NTSR1: variants seen among roughly 807,000 people sequenced by gnomAD.
The protein encoded by NTSR1 is neurotensin receptor 1, also known as neurotensin receptor type 1.
A neutral mutation model predicts 31.2 loss-of-function variants in NTSR1; 29 were observed. That is an observed-to-expected ratio of 0.93 (90% CI 0.69 to 1.27). The LOEUF is 1.27. Among genes scored for constraint, NTSR1 ranks in the 50% most tolerant of loss-of-function variants. NTSR1 has a pLI of 0.00. For missense variants in NTSR1, 697 were observed against 595.4 expected (o/e 1.17, Z -1.78); for synonymous variants, 282 against 269.9 (o/e 1.04, Z -0.44).
At chr20:62,752,332 G>A (rs3787523) in intron 1 of NTSR1, among the ~76,000 whole-genome samples, 14,079 of 152,256 alleles carry the variant, frequency 0.092, 796 homozygotes, top group African/African-American at 0.16. Context: ...AGGAAAGGAC[G>A]GCGCAAGCCA....
At chr20:62,739,870 G>A (rs3787529) in intron 1 of NTSR1, among the ~76,000 whole-genome samples, 20,451 of 152,280 alleles carry the variant, frequency 0.13, 3,324 homozygotes, top group African/African-American at 0.36. Flanking sequence ...GGTGCGGGAC[G>A]CATATGCTGT....
At chr20:62,752,204 C>T (rs953446296) in intron 1 of NTSR1, among the ~76,000 whole-genome samples, 1 of 152,228 alleles carries the variant, frequency 6.6e-6, no homozygotes, top group Admixed American at 6.5e-5. Context: ...CCTCACCTCC[C>T]CTCACCCCCA....
At chr20:62,747,389 C>T (rs932405898) in intron 1 of NTSR1, among the ~76,000 whole-genome samples, 1 of 134,072 alleles carries the variant, frequency 7.5e-6, no homozygotes, top group Admixed American at 7.2e-5. Flanking sequence ...GTAAAGGCCA[C>T]GTATGACAGA....
At position 62,760,398 on chromosome 20, in the gene NTSR1, T is replaced by TGG. The variant is rs1989598327; in HGVS notation, c.*133_*134dup. 3.0e-6 allele frequency: 3 copies of TGG among 998,420 alleles called. No individual in the cohort carries two copies. Among genetic ancestry groups the TGG allele is most frequent in the Admixed American group, 5.9e-5 (2 of 34,154 alleles). The allele number at this position is 998,420 out of a possible 1,614,324, so 61.8% of individuals were successfully genotyped here. ...CCAGCCTGCACTGGAGTCTGAGGCC[T>TGG]GGGACCCCCCCCTCCCACCCCCTAA... On this transcript the variant is annotated 3_prime_UTR_variant, in exon 4 of 4. Coordinates refer to ENST00000370501, the MANE Select transcript of NTSR1 (RefSeq NM_002531.3).
intron 1 of NTSR1, among the ~76,000 whole-genome samples, chr20:62,734,087 G>C (rs901379167): frequency 6.6e-6 from 1 of 152,106 alleles, no homozygotes; most frequent in Non-Finnish European, 1.5e-5. Flanking sequence ...AGGTTTGCCC[G>C]ACCTCGAGTC....
rs1988705439 is a variant in NTSR1 at position 62,715,857 on chromosome 20, G to A, written c.714+5936G>A. Among the ~76,000 whole-genome samples the A allele has an allele frequency of 1.3e-5, 2 of 152,158 alleles. No homozygotes were observed. Among genetic ancestry groups the A allele is most frequent in the Admixed American group, 1.3e-4 (2 of 15,282 alleles). ...CCAGGTCTGTTCTCAGGGGCACTGG[G>A]GCTCCCAGCTGGTAACATCTGATGA... On this transcript the variant is annotated intron_variant, in intron 1 of 3. Transcript: ENST00000370501. This position sits in a 1 kb window ranked among gnomAD's most constrained non-coding sequence, Gnocchi z 4.7.
In NTSR1 at chr20:62,733,500, A is replaced by T. The variant is rs1312628480; in HGVS notation, c.715-21185A>T. 6.6e-6 allele frequency among the ~76,000 whole-genome samples: 1 copy of T among 152,120 alleles called. No homozygotes were observed. The highest frequency in any genetic ancestry group is 2.4e-5 in the African/African-American group (1 of 41,428). ...TTCCACTTTGGAAAGGGAAGGTTCT[A>T]GAAAGTTCTGGAAAGCTCGGCTGTG... On this transcript the variant is annotated intron_variant, in intron 1 of 3. Transcript: ENST00000370501. This position sits in a 1 kb window ranked among gnomAD's most constrained non-coding sequence, Gnocchi z 5.2.
At chr20:62,736,592 C>T (rs188275191) in intron 1 of NTSR1, among the ~76,000 whole-genome samples, 34 of 152,266 alleles carry the variant, frequency 2.2e-4, no homozygotes, top group Non-Finnish European at 1.3e-4. Flanking sequence ...CCTTTCCCAG[C>T]GAGGACTCCG....
intron 1 of NTSR1, among the ~76,000 whole-genome samples, chr20:62,728,355 T>C (rs779667228): frequency 2.8e-4 from 42 of 152,106 alleles, no homozygotes; most frequent in Non-Finnish European, 6.0e-4. Context: ...GCGGTCAGTG[T>C]GTGCGGCAGC....
intron 1 of NTSR1, among the ~76,000 whole-genome samples, chr20:62,752,898 G>A (rs552159085): frequency 6.6e-6 from 1 of 152,134 alleles, no homozygotes; most frequent in African/African-American, 2.4e-5. Context: ...CAGGAGGGAC[G>A]CGGGACGGCC....
At chr20:62,754,153 T>C (rs2249677) in intron 1 of NTSR1, among the ~76,000 whole-genome samples, 142,201 of 152,026 alleles carry the variant, frequency 0.94, 66,556 homozygotes, top group East Asian at 1. Flanking sequence ...CTTTCAATGC[T>C]CTGAGAGGTA....
At chr20:62,746,425 G>A (rs1440223576) in intron 1 of NTSR1, among the ~76,000 whole-genome samples, 1 of 152,168 alleles carries the variant, frequency 6.6e-6, no homozygotes, top group African/African-American at 2.4e-5. Flanking sequence ...TCTTTCAGTG[G>A]TCTCTCCTCC....
rs932555173 is a variant in NTSR1, at chr20:62,732,951, C to A, written c.715-21734C>A. 9 of 151,798 alleles carry A rather than the reference C, an allele frequency of 5.9e-5. No individual in the cohort carries two copies. Among genetic ancestry groups the A allele is most frequent in the Admixed American group, 5.9e-4 (9 of 15,236 alleles). The allele number at this position is 151,798 out of a possible 1,614,324, so 9.4% of individuals were successfully genotyped here. A position where few individuals can be genotyped will look rare whatever the true frequency, so the allele number is the denominator to read the frequency against. On this transcript the variant is annotated intron_variant, in intron 1 of 3. Coordinates refer to ENST00000370501, the MANE Select transcript of NTSR1 (RefSeq NM_002531.3). This position sits in a 1 kb window ranked among gnomAD's most constrained non-coding sequence, Gnocchi z 4.0. The stretch of plus-strand genomic sequence containing the variant: ...GGCGGCTCAGGCTGAGAACCAACGG[C>A]GCTGACGTCGCCTAAAGGGGGTTCC...
chr20:62,758,283 T>C lies in NTSR1; in HGVS notation c.934T>C (p.Phe312Leu), dbSNP rs780413333. The C allele has an allele frequency of 1.4e-5, 22 of 1,613,646 alleles. No homozygotes were observed. The highest frequency in any genetic ancestry group is 1.3e-4 in the South Asian group (12 of 91,080). ...VRVLRAVVIA[F>L]VVCWLPYHVR... Reference sequence around the variant, plus strand: ...TGCCTCAGGTGCAGTGGTCATCGCCTTTGTGGTCTGCTGGCTGCCCTACCA... The same window carrying C: ...TGCCTCAGGTGCAGTGGTCATCGCCCTTGTGGTCTGCTGGCTGCCCTACCA... Residue 312 changes from phenylalanine to leucine, a missense_variant, in exon 3 of 4, where the codon TTT becomes CTT. Phe to Leu is a conservative substitution (Grantham distance 22, BLOSUM62 0). Transcript: ENST00000370501. This position sits in a 1 kb window ranked among gnomAD's most constrained non-coding sequence, Gnocchi z 4.5.
chr20:62,724,810 T>C (rs1183746903), intron 1 of NTSR1, among the ~76,000 whole-genome samples: 1 of 152,180 alleles, frequency 6.6e-6, no homozygotes, highest in Admixed American at 6.5e-5. Flanking sequence ...CTCCTGCAGC[T>C]CCTGGAGGCT....
At chr20:62,713,276 C>T (rs569473794) in intron 1 of NTSR1, among the ~76,000 whole-genome samples, 15 of 152,340 alleles carry the variant, frequency 9.8e-5, no homozygotes, top group Middle Eastern at 3.4e-3. Flanking sequence ...CAGTGCTCTT[C>T]GCTGGGTTAG....
Position 62,746,360 on chromosome 20 carries a change from C to T in NTSR1, c.715-8325C>T, listed in dbSNP as rs757477895. On this transcript the variant is annotated intron_variant, in intron 1 of 3. Transcript: ENST00000370501. ...CCCAGCACTACTGCAGCCAGGCTGC[C>T]GCCAGCATCGCTGTGTCTGTAGCTC... Among the ~76,000 whole-genome samples the T allele has an allele frequency of 1.1e-3, 172 of 152,290 alleles. No homozygotes were observed. In the Middle Eastern group the frequency reaches 0.014, roughly 12 times the overall value.
Position 62,729,377 on chromosome 20 carries a change from G to A in NTSR1, c.714+19456G>A, listed in dbSNP as rs375568971. On this transcript the variant is annotated intron_variant, in intron 1 of 3. Coordinates refer to ENST00000370501, the MANE Select transcript of NTSR1 (RefSeq NM_002531.3). Reference sequence around the variant, plus strand: ...AATGGAAAGATCTGGAATTTCTTTCGTGCATGGAGCGGGGGCAGTCCTCAG... The same window carrying A: ...AATGGAAAGATCTGGAATTTCTTTCATGCATGGAGCGGGGGCAGTCCTCAG... Among the ~76,000 whole-genome samples, 218 of 152,332 alleles carry A rather than the reference G, an allele frequency of 1.4e-3. 6 individuals are homozygous for A. In the South Asian group the frequency reaches 0.044, roughly 31 times the overall value.
intron 1 of NTSR1, among the ~76,000 whole-genome samples, chr20:62,749,921 C>A (rs527390771): frequency 1.3e-5 from 2 of 152,238 alleles, no homozygotes; most frequent in South Asian, 2.1e-4. Flanking sequence ...GCAGAACCAC[C>A]GTAGGATCCA....
Sources: allele counts gnomAD v4.1 joint callset (sites outside exome capture counted in the v4.1 genomes callset), GRCh38; gene constraint gnomAD v4.1.1; non-coding constraint Gnocchi (gnomAD v3.1); transcripts MANE v1.5; gene names NCBI Gene and HGNC (gene_info 2026-07-23, HGNC 2026-07-21).